Variants in PRKG2 observed in about 807,000 individuals in gnomAD.
The protein encoded by PRKG2 is cGMP-dependent protein kinase 2.
PRKG2 carries 33 observed loss-of-function variants against 97.2 expected under a neutral mutation model. That is an observed-to-expected ratio of 0.34 (90% CI 0.26 to 0.45). PRKG2 has a LOEUF of 0.45. PRKG2 is among the 20% of genes least tolerant of loss of function. PRKG2 has a pLI of 1.00. For missense variants in PRKG2, 638 were observed against 900.0 expected (o/e 0.71, Z 3.73); for synonymous variants, 330 against 321.8 (o/e 1.03, Z -0.27).
intron 11 of PRKG2, 59 bp from the exon 12 acceptor site, chr4:81,140,728 A>G: frequency 7.0e-7 from 1 of 1,433,318 alleles, no homozygotes; most frequent in Non-Finnish European, 9.7e-7. Context: ...AAACACACTA[A>G]TCAATGAGAG....
chr4:81,205,144 TC>T, intron 1 of PRKG2, 84 bp from the exon 2 acceptor site: 1 of 837,382 alleles, frequency 1.2e-6, no homozygotes, highest in South Asian at 1.9e-5. Flanking sequence ...CTATCTTGTT[TC>T]ATAAATAGGA....
rs1741651549 is a variant in PRKG2, at chr4:81,092,465, A to AAAGGAAGGAAGGAAAG, written c.2127-14_2127-13insCTTTCCTTCCTTCCTT. 1.1e-6 allele frequency: 1 copy of AAAGGAAGGAAGGAAAG among 906,984 alleles called. No individual in the cohort carries two copies. Among genetic ancestry groups the AAAGGAAGGAAGGAAAG allele is most frequent in the Non-Finnish European group, 1.6e-6 (1 of 616,328 alleles). The allele number at this position is 906,984 out of a possible 1,614,324, so 56.2% of individuals were successfully genotyped here. On this transcript the variant is annotated splice_polypyrimidine_tract_variant and intron_variant, in intron 17 of 18. Coordinates refer to ENST00000264399, the MANE Select transcript of PRKG2 (RefSeq NM_006259.3). ...ACCATTTAACCACCTGAGAAATGAG[A>AAAGGAAGGAAGGAAAG]AAGGAAGGAAGGAAGGAAGGAAGGA...
At chr4:81,137,307 T>G in intron 13 of PRKG2, 86 bp downstream of exon 13, 1 of 988,102 alleles carries the variant, frequency 1.0e-6, no homozygotes, top group Non-Finnish European at 1.6e-6. Context: ...GTTATAATAA[T>G]TTCCTAATGA....
chr4:81,154,901 G>A (rs1254671415), intron 6 of PRKG2, among the ~76,000 whole-genome samples: 6 of 152,242 alleles, frequency 3.9e-5, no homozygotes, highest in South Asian at 2.1e-4. Context: ...TAGGCCGGGC[G>A]CGGTGGCTCA....
chr4:81,206,957 A>G (rs114267542), intron 1 of PRKG2, among the ~76,000 whole-genome samples: 3,376 of 152,338 alleles, frequency 0.022, 117 homozygotes, highest in African/African-American at 0.076. Context: ...GTGGTCATTA[A>G]TAAACATTAG....
intron 2 of PRKG2, among the ~76,000 whole-genome samples, chr4:81,181,747 T>A (rs1051823343): frequency 6.6e-6 from 1 of 151,966 alleles, no homozygotes; most frequent in African/African-American, 2.4e-5. Context: ...AACTTTATAG[T>A]TAAAAATTAA....
rs566726654 is a variant in PRKG2 at position 81,187,374 on chromosome 4, C to A, written c.462-12415G>T. Among the ~76,000 whole-genome samples, 20 of 152,254 alleles carry A rather than the reference C, an allele frequency of 1.3e-4. 1 individual carries two copies. Among genetic ancestry groups the A allele is most frequent in the African/African-American group, 4.8e-4 (20 of 41,540 alleles). On this transcript the variant is annotated intron_variant, in intron 2 of 18. Transcript: ENST00000264399. ...ACATAAACAGAACCAATGACAAAAA[C>A]CACATGATTATCTCAATAGATGCAG...
chr4:81,177,080 CT>C (rs1750993754), intron 2 of PRKG2, among the ~76,000 whole-genome samples: 1 of 152,062 alleles, frequency 6.6e-6, no homozygotes, highest in South Asian at 2.1e-4. Flanking sequence ...CTTTTTACCC[CT>C]CAACCTTTCC....
chr4:81,109,285 T>C (rs1743670136), intron 15 of PRKG2, among the ~76,000 whole-genome samples: 1 of 152,238 alleles, frequency 6.6e-6, no homozygotes, highest in South Asian at 2.1e-4. Context: ...TCTATGAAAC[T>C]CTTTTCATAA....
At chr4:81,102,898 A>G (rs1202421664) in intron 17 of PRKG2, among the ~76,000 whole-genome samples, 1 of 152,166 alleles carries the variant, frequency 6.6e-6, no homozygotes, top group Non-Finnish European at 1.5e-5. Context: ...CTATTTCTTC[A>G]GTGAAAAGAT....
chr4:81,099,487 A>G (rs1254593496), intron 17 of PRKG2, among the ~76,000 whole-genome samples: 1 of 152,226 alleles, frequency 6.6e-6, no homozygotes, highest in African/African-American at 2.4e-5. Flanking sequence ...ATAGATGCAG[A>G]AAAGGCCTTT....
At chr4:81,189,284 G>T (rs1295936156) in intron 2 of PRKG2, among the ~76,000 whole-genome samples, 1 of 128,734 alleles carries the variant, frequency 7.8e-6, no homozygotes, top group Non-Finnish European at 1.5e-5. Flanking sequence ...TCCCTAGAAT[G>T]AGTTCTTTCT....
At chr4:81,096,210 T>A (rs749630355) in intron 17 of PRKG2, among the ~76,000 whole-genome samples, 3 of 152,192 alleles carry the variant, frequency 2.0e-5, no homozygotes, top group Non-Finnish European at 4.4e-5. Context: ...TATGTGATAC[T>A]GTTTGATAGC....
At chr4:81,133,491 G>A (rs1338034690) in intron 14 of PRKG2, among the ~76,000 whole-genome samples, 7 of 152,068 alleles carry the variant, frequency 4.6e-5, no homozygotes, top group Admixed American at 3.9e-4. Flanking sequence ...GCTTCAATGT[G>A]TGATTTCCAC....
chr4:81,102,543 T>G (rs945714841), intron 17 of PRKG2, among the ~76,000 whole-genome samples: 4 of 152,172 alleles, frequency 2.6e-5, no homozygotes, highest in Non-Finnish European at 2.9e-5. Flanking sequence ...AGACAAATAA[T>G]GAGCTTTACA....
intron 2 of PRKG2, among the ~76,000 whole-genome samples, chr4:81,200,705 G>C (rs1401107703): frequency 6.6e-6 from 1 of 152,122 alleles, no homozygotes; most frequent in Non-Finnish European, 1.5e-5. Context: ...CTCTAGTAAG[G>C]GGGGTAGCAT....
At chr4:81,209,906 G>A (rs1288632648) in intron 1 of PRKG2, among the ~76,000 whole-genome samples, 1 of 151,988 alleles carries the variant, frequency 6.6e-6, no homozygotes, top group Non-Finnish European at 1.5e-5. Flanking sequence ...GATCCCAGAG[G>A]TAGACCTAAA....
At chr4:81,216,740 G>A (rs1399418420), upstream of PRKG2, among the ~76,000 whole-genome samples, 1 of 151,738 alleles carries the variant, frequency 6.6e-6, no homozygotes, top group Non-Finnish European at 1.5e-5. Context: ...GGATACTCAT[G>A]CCTGCCCATT....
intron 9 of PRKG2, among the ~76,000 whole-genome samples, 180 bp downstream of exon 9, chr4:81,148,704 C>G (rs76259846): frequency 0.025 from 3,753 of 152,222 alleles, 159 homozygotes; most frequent in African/African-American, 0.086. Flanking sequence ...CTGCCACAGA[C>G]CGATTCAGAT....
Sources: gnomAD v4.1 joint callset for allele counts (sites outside exome capture counted in the v4.1 genomes callset) on GRCh38, gnomAD v4.1.1 for gene constraint, MANE v1.5 for transcripts, NCBI Gene and HGNC (gene_info 2026-07-23, HGNC 2026-07-21) for gene names.